The following CATSPER4 variants were observed in gnomAD, a reference collection of about 807,000 sequenced individuals.
CATSPER4 encodes the protein cation channel sperm associated 4.
A neutral mutation model predicts 54.4 loss-of-function variants in CATSPER4; 46 were observed. That is an observed-to-expected ratio of 0.84 (90% CI 0.67 to 1.08). The LOEUF (loss-of-function observed/expected upper bound fraction) is 1.08. Among genes scored for constraint, CATSPER4 ranks in the 50% least tolerant of loss-of-function variants. The pLI is 0.00. For missense variants in CATSPER4, 574 were observed against 612.8 expected, an observed-to-expected ratio of 0.94 and a Z score of 0.67; for synonymous variants, 230 against 231.9, an observed-to-expected ratio of 0.99 and a Z score of 0.08.
At chr1:26,194,982 G>A (rs1195259790) in intron 3 of CATSPER4, among the ~76,000 whole-genome samples, 1 of 152,164 alleles carries the variant, frequency 6.6e-6, no homozygotes, top group East Asian at 1.9e-4. Context: ...CTACTTAGAG[G>A]CCGAGGCAGG....
rs1413766330 is a variant in CATSPER4 at position 26,202,458 on chromosome 1, G to A, written c.1366-31G>A. 6.2e-6 allele frequency: 10 copies of A among 1,602,692 alleles called. No homozygotes were observed. In the East Asian group the frequency reaches 2.2e-4, roughly 36 times the overall value. ...GAGGCTGCCATATCGGGGGGAGTGG[G>A]GGATTAACAAGAAGACCTCTTGGTT... On this transcript the variant is annotated intron_variant, in intron 9 of 9. Transcript: ENST00000456354.
intron 2 of CATSPER4, among the ~76,000 whole-genome samples, chr1:26,192,900 T>A (rs1019263586): frequency 4.6e-5 from 7 of 151,252 alleles, no homozygotes; most frequent in African/African-American, 1.7e-4. Context: ...AGGTCAAGGG[T>A]TCGAGACCAG....
At position 26,190,748 on chromosome 1, in the gene CATSPER4, C is replaced by T. The variant is rs373674065; in HGVS notation, c.121C>T (p.Arg41Cys). 3.3e-5 allele frequency: 53 copies of T among 1,613,348 alleles called. No homozygotes were observed. The highest frequency in any genetic ancestry group is 1.5e-4 in the South Asian group (14 of 90,954). The change falls in exon 1 of 10, where the codon CGC becomes TGC. Residue 41 changes from arginine (R) to cysteine (C), a missense_variant. Arg to Cys is a radical substitution (Grantham distance 180). Coordinates refer to ENST00000456354, the MANE Select transcript of CATSPER4 (RefSeq NM_198137.2). The stretch of plus-strand genomic sequence containing the variant: ...AGGGGCAGTAGCTGCACTGAGGGGC[C>T]GCCCCTCTCCCCTGCAGAGTACCAT... ...FGGAVAALRG[R>C]PSPLQSTIHE...
chr1:26,199,916 G>A lies in CATSPER4; in HGVS notation c.845G>A (p.Gly282Glu). 2 of 1,614,180 alleles carry A rather than the reference G, an allele frequency of 1.2e-6. No homozygotes were observed. The highest frequency in any genetic ancestry group is 2.2e-5 in the East Asian group (1 of 44,892). ...AAGAGGGAATATGCAATGGAGATTG[G>A]GGGTGCCATCTACTTTACCATCTTC... ...TEKREYAMEI[G>E]GAIYFTIFIT... The change falls in exon 7 of 10, where the codon GGG becomes GAG. Residue 282 changes from glycine (G) to glutamate (E), a missense_variant. Transcript: ENST00000456354.
intron 7 of CATSPER4, among the ~76,000 whole-genome samples, chr1:26,200,396 G>A (rs987739267): frequency 1.3e-5 from 2 of 152,064 alleles, no homozygotes. Flanking sequence ...AGGGTTAATG[G>A]GTAAATGAAC....
intron 3 of CATSPER4, among the ~76,000 whole-genome samples, chr1:26,197,207 G>A (rs529944501): frequency 3.3e-4 from 50 of 152,176 alleles, no homozygotes; most frequent in Non-Finnish European, 5.4e-4. Flanking sequence ...CGCCTGGCCC[G>A]CCTGTCTCCC....
At chr1:26,199,757 C>A (rs2088984697) in intron 6 of CATSPER4, 127 bp from the exon 7 acceptor site, 2 of 989,624 alleles carry the variant, frequency 2.0e-6, no homozygotes, top group Non-Finnish European at 3.0e-6. Context: ...GGAATGGGAT[C>A]TGCACAACAG....
chr1:26,201,688 T>G, intron 9 of CATSPER4, 169 bp downstream of exon 9: 2 of 550,212 alleles, frequency 3.6e-6, no homozygotes, highest in Non-Finnish European at 6.2e-6. Flanking sequence ...TTTCTTTCTT[T>G]CCTTTTTTTT....
intron 2 of CATSPER4, among the ~76,000 whole-genome samples, chr1:26,192,805 C>T (rs2088886839): frequency 6.6e-6 from 1 of 151,882 alleles, no homozygotes; most frequent in East Asian, 2.0e-4. Context: ...ACAGTGGGCC[C>T]TAAGGCACTG....
chr1:26,200,275 C>G (rs972350910), intron 7 of CATSPER4, among the ~76,000 whole-genome samples: 1 of 152,086 alleles, frequency 6.6e-6, no homozygotes, highest in African/African-American at 2.4e-5. Context: ...TATGGCAACT[C>G]AAAACTGAGC....
rs1472020839 is a variant in CATSPER4, at chr1:26,197,668, G to A, written c.460-18G>A. On this transcript the variant is annotated intron_variant, in intron 3 of 9. Coordinates refer to ENST00000456354, the MANE Select transcript of CATSPER4 (RefSeq NM_198137.2). ...GGCTGGGCCTGACAGACCCCACTGGGGCTGGCCCACTCCCCAGGACGGCTG... is the reference window on the plus strand; with the variant it reads ...GGCTGGGCCTGACAGACCCCACTGGAGCTGGCCCACTCCCCAGGACGGCTG... 2 of 1,599,166 alleles carry A rather than the reference G, an allele frequency of 1.3e-6. No individual in the cohort carries two copies. The highest frequency in any genetic ancestry group is 1.7e-6 in the Non-Finnish European group (2 of 1,167,928).
At chr1:26,201,276 G>T in intron 8 of CATSPER4, 78 bp from the exon 9 acceptor site, 5 of 1,483,582 alleles carry the variant, frequency 3.4e-6, no homozygotes. Context: ...CGAAGCGGGG[G>T]TGACGCCAGG....
At chr1:26,199,328 A>G (rs2088979186) in intron 6 of CATSPER4, among the ~76,000 whole-genome samples, 1 of 151,750 alleles carries the variant, frequency 6.6e-6, no homozygotes, top group African/African-American at 2.4e-5. Context: ...GCTACTCAGG[A>G]GGCTAAGGCA....
intron 6 of CATSPER4, among the ~76,000 whole-genome samples, chr1:26,199,026 G>T (rs1419836602): frequency 2.0e-5 from 3 of 152,342 alleles, no homozygotes; most frequent in African/African-American, 7.2e-5. Context: ...GCTGGCCGGG[G>T]CCGGGCGCGG....
Position 26,200,949 on chromosome 1 carries a change from C to G in CATSPER4, c.1107C>G (p.Leu369=). The change falls in exon 8 of 10, where the codon CTC becomes CTG. Residue 369 remains leucine, a synonymous_variant. Transcript: ENST00000456354. ...TTGCGGGAGGCCCCCTGTCGAACCTCTCAGAAAACACGTGTGACAACTTTT... is the reference window on the plus strand; with the variant it reads ...TTGCGGGAGGCCCCCTGTCGAACCTGTCAGAAAACACGTGTGACAACTTTT... ...EPLAGGPLSN[L]SENTCDNFCL... is the part of the protein sequence containing the mutation. 1.2e-6 allele frequency: 2 copies of G among 1,614,130 alleles called. No individual in the cohort carries two copies. The highest frequency in any genetic ancestry group is 1.6e-4 in the Middle Eastern group (1 of 6,062).
In CATSPER4 at chr1:26,197,728, CT is replaced by C; in HGVS notation, c.503del (p.Leu168ProfsTer66). 6.2e-7 allele frequency: 1 copy of C among 1,613,928 alleles called. No homozygotes were observed. Among genetic ancestry groups the C allele is most frequent in the Non-Finnish European group, 8.5e-7 (1 of 1,179,974 alleles). ...CAACTTCATTATCGTCTTTATCTTG[CT>C]CTTGCGGTTCTTCATTAATGAAATC... ...ILNFIIVFIL[L>X]LRFFINEINI... On this transcript the variant is annotated frameshift_variant, in exon 4 of 10. Transcript: ENST00000456354. LOFTEE classifies it high-confidence loss of function.
Position 26,190,777 on chromosome 1 carries a change from C to T in CATSPER4, c.150C>T (p.His50=), listed in dbSNP as rs377132299. Residue 50 remains histidine (H), a synonymous_variant, in exon 1 of 10, where the codon CAC becomes CAT. Transcript: ENST00000456354. ...GRPSPLQSTI[H]ESYGRPEEQV... Reference sequence around the variant, plus strand: ...CCTCTCCCCTGCAGAGTACCATTCACGAGTCCTACGGTCGGCCAGAGGAGC... The same window carrying T: ...CCTCTCCCCTGCAGAGTACCATTCATGAGTCCTACGGTCGGCCAGAGGAGC... 50 of 1,613,288 alleles carry T rather than the reference C, an allele frequency of 3.1e-5. No homozygotes were observed. The highest frequency in any genetic ancestry group is 1.2e-4 in the Admixed American group (7 of 59,916).
At chr1:26,199,657 C>A (rs2088983697) in intron 6 of CATSPER4, among the ~76,000 whole-genome samples, 1 of 151,414 alleles carries the variant, frequency 6.6e-6, no homozygotes, top group African/African-American at 2.4e-5. Flanking sequence ...ATGTGCACGT[C>A]CCCACCTTGC....
intron 8 of CATSPER4, 143 bp from the exon 9 acceptor site, chr1:26,201,211 A>C: frequency 9.9e-7 from 1 of 1,015,128 alleles, no homozygotes. Context: ...GGTTCCTTCC[A>C]TCTCACACAA....
Sources: gnomAD v4.1 joint callset for allele counts (sites outside exome capture counted in the v4.1 genomes callset) on GRCh38, gnomAD v4.1.1 for gene constraint, MANE v1.5 for transcripts, NCBI Gene and HGNC (gene_info 2026-07-23, HGNC 2026-07-21) for gene names.